The following ZFAT variants were observed in gnomAD, a reference collection of about 807,000 sequenced individuals.
The protein encoded by ZFAT is zinc finger and AT-hook domain containing, also known as zinc finger protein ZFAT.
A neutral mutation model predicts 117.7 loss-of-function variants in ZFAT; 64 were observed. The ratio of observed to expected loss-of-function variants is 0.54; its 90% confidence interval spans 0.44 to 0.67. ZFAT has a LOEUF of 0.67. Among genes scored for constraint, ZFAT ranks in the 30% least tolerant of loss-of-function variants. The pLI, the probability that ZFAT is intolerant of heterozygous loss-of-function variation, is 0.00. For missense variants in ZFAT, 1,433 were observed against 1,584.5 expected (o/e 0.90, Z 1.62); for synonymous variants, 679 against 615.0 (o/e 1.10, Z -1.54).
chr8:134,618,827 T>C (rs1828914799), intron 3 of ZFAT, among the ~76,000 whole-genome samples: 1 of 152,236 alleles, frequency 6.6e-6, no homozygotes, highest in Admixed American at 6.5e-5. Context: ...GTTCAGCAGA[T>C]ACTTATGGAG....
intron 3 of ZFAT, among the ~76,000 whole-genome samples, chr8:134,613,176 G>A (rs1464425852): frequency 2.0e-5 from 3 of 152,200 alleles, no homozygotes; most frequent in Non-Finnish European, 4.4e-5. Flanking sequence ...TCAATATGTG[G>A]GTGATATGCC....
chr8:134,703,501 G>A (rs919394532), intron 1 of ZFAT, among the ~76,000 whole-genome samples: 3 of 152,224 alleles, frequency 2.0e-5, no homozygotes, highest in African/African-American at 4.8e-5. Context: ...CCCAGATAGG[G>A]CCTCACACAC....
the ZFAT span, chr8:134,794,374 A>G: frequency 2.0e-5 from 3 of 152,226 alleles, no homozygotes; most frequent in East Asian, 3.8e-4. Flanking sequence ...CATACACGGT[A>G]TAAGTTCAAA....
the ZFAT span, among the ~76,000 whole-genome samples, chr8:134,815,917 T>G: frequency 1.3e-5 from 2 of 152,262 alleles, no homozygotes; most frequent in Non-Finnish European, 2.9e-5. Flanking sequence ...TTTAGTTTAT[T>G]CCTTTCCTTG....
chr8:134,513,116 A>G (rs1439089637), intron 13 of ZFAT, among the ~76,000 whole-genome samples: 1 of 151,724 alleles, frequency 6.6e-6, no homozygotes, highest in African/African-American at 2.4e-5. Flanking sequence ...AAGGGAGAGG[A>G]CCTGTGATTA....
chr8:134,627,771 G>C (rs1233550974), intron 3 of ZFAT, among the ~76,000 whole-genome samples: 1 of 152,222 alleles, frequency 6.6e-6, no homozygotes, highest in Non-Finnish European at 1.5e-5. Context: ...GCACTGTTCT[G>C]AATGCTACAG....
At chr8:134,753,232 C>CCAACAACAA in the ZFAT span, among the ~76,000 whole-genome samples, 61,818 of 149,508 alleles carry the variant, frequency 0.41, 12,755 homozygotes, top group Admixed American at 0.48. Flanking sequence ...AACGAACCAA[C>CCAACAACAA]CAACAACAAC....
At chr8:134,565,083 C>A in intron 11 of ZFAT, 1 of 1,471,530 alleles carries the variant, frequency 6.8e-7, no homozygotes, top group Non-Finnish European at 9.0e-7. Flanking sequence ...AAGATCGTGC[C>A]TTTTCTTCTG....
chr8:134,612,540 T>C lies in ZFAT; in HGVS notation c.449-1885A>G, dbSNP rs766707315. On this transcript the variant is annotated intron_variant, in intron 3 of 15. Transcript: ENST00000377838. ...AGAAAAAAACTCGGCTAATGGCAGATTGATCAAAACAAACATTCTAATTTT... is the reference window on the plus strand; with the variant it reads ...AGAAAAAAACTCGGCTAATGGCAGACTGATCAAAACAAACATTCTAATTTT... Among the ~76,000 whole-genome samples, 8 of 152,346 alleles carry C rather than the reference T, an allele frequency of 5.3e-5. No homozygotes were observed. The South Asian group carries it at 1.4e-3, about 28-fold the overall frequency.
At chr8:134,829,367 TG>T in the ZFAT span, among the ~76,000 whole-genome samples, 1 of 152,244 alleles carries the variant, frequency 6.6e-6, no homozygotes, top group South Asian at 2.1e-4. Flanking sequence ...TGGACACCGC[TG>T]CCTTAAATGA....
chr8:134,589,944 G>A (rs935086258), intron 8 of ZFAT, among the ~76,000 whole-genome samples: 2 of 152,130 alleles, frequency 1.3e-5, no homozygotes, highest in Non-Finnish European at 2.9e-5. Flanking sequence ...CCACCACTCT[G>A]GGTAACACAA....
chr8:134,568,139 C>A lies in ZFAT; in HGVS notation c.2888-2718G>T, dbSNP rs555300861. Among the ~76,000 whole-genome samples, 51 of 152,336 alleles carry A rather than the reference C, an allele frequency of 3.3e-4. 1 individual carries two copies. The South Asian group carries it at 7.9e-3, about 24-fold the overall frequency. On this transcript the variant is annotated intron_variant, in intron 10 of 15. Transcript: ENST00000377838. ...AATTTTGTACATCTTATATGAACAT[C>A]AGCCTCAATAACAGCAGCAAAAGGA...
intron 3 of ZFAT, among the ~76,000 whole-genome samples, chr8:134,627,541 T>C (rs1231478796): frequency 6.6e-6 from 1 of 152,290 alleles, no homozygotes; most frequent in African/African-American, 2.4e-5. Flanking sequence ...CAGAAATGCA[T>C]GGGAGCAAGT....
chr8:134,637,453 G>T lies in ZFAT; in HGVS notation c.448+8C>A. The T allele has an allele frequency of 6.2e-7, 1 of 1,603,376 alleles. No homozygotes were observed. On this transcript the variant is annotated splice_region_variant and intron_variant, in intron 3 of 15. Transcript: ENST00000377838. ...AATTGACATGTTCAGCCCTTTGGCA[G>T]CATTTACCTGCTTCTCCTTCCTCCT...
At chr8:134,740,895 C>T in the ZFAT span, among the ~76,000 whole-genome samples, 1 of 152,220 alleles carries the variant, frequency 6.6e-6, no homozygotes, top group African/African-American at 2.4e-5. Context: ...TGTGGCATTT[C>T]ATCTACCAGA....
chr8:134,656,841 G>A (rs1006090812), intron 2 of ZFAT, among the ~76,000 whole-genome samples: 1 of 152,286 alleles, frequency 6.6e-6, no homozygotes, highest in East Asian at 1.9e-4. Flanking sequence ...TTCTCTGTCT[G>A]TGGGGACCTA....
rs113928546 is a variant in ZFAT, at chr8:134,538,790, C to T, written c.2977-5818G>A. Among the ~76,000 whole-genome samples, 7 of 130,222 alleles carry T rather than the reference C, an allele frequency of 5.4e-5. No homozygotes were observed. The South Asian group carries it at 1.7e-3, about 31-fold the overall frequency. The allele number at this position is 130,222 out of a possible 152,430, so 85.4% of individuals were successfully genotyped here. A position where few individuals can be genotyped will look rare whatever the true frequency, so the allele number is the denominator to read the frequency against. On this transcript the variant is annotated intron_variant, in intron 11 of 15. Transcript: ENST00000377838. ...CCAGCCTGGGTGACAAAGTGAGACC[C>T]TGTCACAAAAAAAAAAAAAAAAAAG...
rs191015287 is a variant in ZFAT at position 134,538,261 on chromosome 8, T to C, written c.2977-5289A>G. Among the ~76,000 whole-genome samples, 227 of 151,966 alleles carry C rather than the reference T, an allele frequency of 1.5e-3. 1 individual carries two copies. The highest frequency in any genetic ancestry group is 2.3e-3 in the Non-Finnish European group (157 of 67,946). ...GAATCACGGGATCTGAGGAATAAGG[T>C]CCTCCAGGTAGGAGAGGATAATGAA... On this transcript the variant is annotated intron_variant, in intron 11 of 15. Transcript: ENST00000377838.
At chr8:134,828,293 A>G in the ZFAT span, among the ~76,000 whole-genome samples, 1 of 152,220 alleles carries the variant, frequency 6.6e-6, no homozygotes, top group Non-Finnish European at 1.5e-5. Context: ...ATAATATTCA[A>G]TTATGCTAAG....
Sources: allele counts gnomAD v4.1 joint callset (sites outside exome capture counted in the v4.1 genomes callset), GRCh38; gene constraint gnomAD v4.1.1; transcripts MANE v1.5; gene names NCBI Gene and HGNC (gene_info 2026-07-23, HGNC 2026-07-21).